The following RALGDS variants were observed in gnomAD, a reference collection of about 807,000 sequenced individuals.
The protein encoded by RALGDS is ral guanine nucleotide exchange factor.
Under a neutral mutation model 99.8 loss-of-function variants are expected in RALGDS, and 44 were observed. The observed-to-expected ratio is 0.44, with a 90% CI of 0.35 to 0.57. The LOEUF (loss-of-function observed/expected upper bound fraction) is 0.57, where lower values mean the gene tolerates loss of function less well. Ranked by LOEUF, RALGDS falls within the 20% of genes least tolerant of loss-of-function variation. RALGDS has a pLI of 0.01. For missense variants in RALGDS, 1,022 were observed against 1,203.1 expected (o/e 0.85, Z 2.23); for synonymous variants, 529 against 505.0 (o/e 1.05, Z -0.64).
chr9:133,124,395 C>T (rs527445243), upstream of RALGDS, among the ~76,000 whole-genome samples: 1 of 152,148 alleles, frequency 6.6e-6, no homozygotes, highest in South Asian at 2.1e-4. Context: ...TAGAGACAGA[C>T]ACAGAGGCTG....
upstream of RALGDS, among the ~76,000 whole-genome samples, chr9:133,134,444 A>G (rs1832393375): frequency 6.6e-6 from 1 of 152,216 alleles, no homozygotes; most frequent in Non-Finnish European, 1.5e-5. Flanking sequence ...TGCCAGAAAG[A>G]TGAGGCCACA....
At position 133,121,063 on chromosome 9, in the gene RALGDS, TC is replaced by T; in HGVS notation, c.91del (p.Asp31ThrfsTer23). On this transcript the variant is annotated frameshift_variant, in exon 1 of 18. Transcript: ENST00000372050. LOFTEE classifies it high-confidence loss of function. ...PGSRRSRSVW[D>X]AVRLEVGVPD... is the part of the protein sequence containing the mutation. ...GACGCCCACCTCCAGGCGCACGGCG[TC>T]CCACACGCTGCGGCTCCGCCGGGAG... 6.7e-7 allele frequency: 1 copy of T among 1,487,160 alleles called. No individual in the cohort carries two copies. The highest frequency in any genetic ancestry group is 8.9e-7 in the Non-Finnish European group (1 of 1,125,070). 92.1% of individuals were successfully genotyped at this position (1,487,160 alleles called of 1,614,324 possible). A position where few individuals can be genotyped will look rare whatever the true frequency, so the allele number is the denominator to read the frequency against.
intron 1 of RALGDS, chr9:133,129,521 G>A: frequency 8.6e-7 from 1 of 1,167,950 alleles, no homozygotes; most frequent in Non-Finnish European, 1.1e-6. Context: ...GACGAGTGGA[G>A]AGGCTGCCCC....
In RALGDS at chr9:133,121,024, G is replaced by T; in HGVS notation, c.131C>A (p.Pro44Gln). Residue 44 changes from proline to glutamine, a missense_variant, in exon 1 of 18, where the codon CCG (proline) becomes CAG (glutamine). By Grantham distance (76) the Pro-to-Gln change is moderately conservative. Around this residue, in one of 3 missense-constraint regions of RALGDS, gnomAD observed 180 missense variants for 169.3 expected, o/e 1.06. Transcript: ENST00000372050. ...RLEVGVPDSC[P>Q]VVLHSFTQLD... ...CTGCGTGAAGCTGTGCAGCACCACCGGGCAGCTGTCGGGGACGCCCACCTC... is the reference window on the plus strand; with the variant it reads ...CTGCGTGAAGCTGTGCAGCACCACCTGGCAGCTGTCGGGGACGCCCACCTC... 2 of 1,496,528 alleles carry T rather than the reference G, an allele frequency of 1.3e-6. No homozygotes were observed. Among genetic ancestry groups the T allele is most frequent in the South Asian group, 1.2e-5 (1 of 80,172 alleles). The allele number at this position is 1,496,528 out of a possible 1,614,324, so 92.7% of individuals were successfully genotyped here.
Position 133,110,322 on chromosome 9 carries a change from T to C in RALGDS, c.462A>G (p.Gln154=), listed in dbSNP as rs1043524625. The change falls in exon 3 of 18, where the codon CAA becomes CAG. Residue 154 remains glutamine, a synonymous_variant. Transcript: ENST00000372050. The stretch of plus-strand genomic sequence containing the variant: ...TTTTGAACAGCAGGTCCAGGACCTG[T>C]TGGGTGGTGGTGAAGGCTCTATAGG... ...LCTYRAFTTT[Q]QVLDLLFKRY... The C allele has an allele frequency of 3.7e-6, 6 of 1,613,418 alleles. No individual in the cohort carries two copies. The highest frequency in any genetic ancestry group is 1.3e-5 in the African/African-American group (1 of 74,854).
At chr9:133,146,116 C>T (rs773720035) in intron 1 of RALGDS, among the ~76,000 whole-genome samples, 1 of 152,170 alleles carries the variant, frequency 6.6e-6, no homozygotes, top group Non-Finnish European at 1.5e-5. Flanking sequence ...CAGATATCGG[C>T]CCCCTGTGGC....
chr9:133,121,309 C>A (rs1302419380), upstream of RALGDS: 8 of 166,250 alleles, frequency 4.8e-5, no homozygotes, highest in African/African-American at 1.5e-4. Flanking sequence ...AGGGTGGGGC[C>A]GGGGAGGGGC....
upstream of RALGDS, among the ~76,000 whole-genome samples, chr9:133,135,955 G>A (rs1039252204): frequency 6.6e-6 from 1 of 152,174 alleles, no homozygotes; most frequent in Non-Finnish European, 1.5e-5. Context: ...CTGCCATAGA[G>A]TTTCTAAACA....
intron 1 of RALGDS, 24 bp downstream of exon 1, chr9:133,120,948 G>A: frequency 2.0e-6 from 3 of 1,472,984 alleles, no homozygotes; most frequent in Non-Finnish European, 2.7e-6. Context: ...CGCACCCCCC[G>A]CCCGACCGCC....
chr9:133,134,644 G>A (rs916280031), upstream of RALGDS, among the ~76,000 whole-genome samples: 2 of 152,150 alleles, frequency 1.3e-5, no homozygotes, highest in Non-Finnish European at 2.9e-5. Context: ...CAGACTTGAC[G>A]CTGCTGGGAC....
upstream of RALGDS, among the ~76,000 whole-genome samples, chr9:133,122,302 T>C (rs35568562): frequency 0.24 from 36,897 of 152,208 alleles, 4,981 homozygotes; most frequent in Middle Eastern, 0.41. Flanking sequence ...CATGCCTCAC[T>C]CATCACTGGG....
At chr9:133,141,294 T>C (rs11244008) in intron 1 of RALGDS, among the ~76,000 whole-genome samples, 97,039 of 152,108 alleles carry the variant, frequency 0.64, 31,404 homozygotes, top group African/African-American at 0.69. Flanking sequence ...CACCTGCCTT[T>C]TCCCACCATT....
At chr9:133,147,250 G>A (rs564719621) in intron 1 of RALGDS, among the ~76,000 whole-genome samples, 212 of 152,276 alleles carry the variant, frequency 1.4e-3, no homozygotes, top group African/African-American at 4.8e-3. Flanking sequence ...TTTGTCTTCT[G>A]GTCACAGCAC....
chr9:133,126,596 C>T (rs1391604399), intron 1 of RALGDS, among the ~76,000 whole-genome samples: 3 of 152,212 alleles, frequency 2.0e-5, no homozygotes, highest in African/African-American at 7.2e-5. Context: ...ACAACTGTCC[C>T]CCACTCCCGC....
chr9:133,106,868 G>C, intron 7 of RALGDS, 120 bp from the exon 8 acceptor site: 1 of 944,110 alleles, frequency 1.1e-6, no homozygotes, highest in Non-Finnish European at 1.7e-6. Context: ...GTCCCCAGAG[G>C]GCACGCCTGC....
At chr9:133,124,444 G>A (rs923999753), upstream of RALGDS, among the ~76,000 whole-genome samples, 14 of 152,088 alleles carry the variant, frequency 9.2e-5, no homozygotes, top group African/African-American at 2.2e-4. Flanking sequence ...AGCTTAGGGA[G>A]GCAGAGGCAG....
rs1357359880 is a variant in RALGDS, at chr9:133,100,343, C to T, written c.2494G>A (p.Ala832Thr). Reference protein sequence around the residue: ...QDKAPAVIRKAMDKHNLEEEE... With the variant: ...QDKAPAVIRKTMDKHNLEEEE... The stretch of plus-strand genomic sequence containing the variant: ...TCCTCCAGGTTGTGTTTGTCCATGG[C>T]CTTGCGGATTACAGCCGGAGCCTTA... Residue 832 changes from alanine to threonine, a missense_variant, in exon 17 of 18, where the codon GCC becomes ACC. Physicochemically the swap from Ala to Thr is moderately conservative, Grantham distance 58 (BLOSUM62 0). Transcript: ENST00000372050. 3 of 1,614,194 alleles carry T rather than the reference C, an allele frequency of 1.9e-6. No individual in the cohort carries two copies. Among genetic ancestry groups the T allele is most frequent in the Non-Finnish European group, 2.5e-6 (3 of 1,180,034 alleles).
chr9:133,122,435 T>A (rs1033587302), upstream of RALGDS, among the ~76,000 whole-genome samples: 1 of 152,198 alleles, frequency 6.6e-6, no homozygotes, highest in Non-Finnish European at 1.5e-5. Context: ...ATCTGTAAAC[T>A]GAGAGGGCGG....
rs1054458993 is a variant in RALGDS at position 133,098,044 on chromosome 9, G to A, written c.*543C>T. 6 of 256,922 alleles carry A rather than the reference G, an allele frequency of 2.3e-5. No individual in the cohort carries two copies. The highest frequency in any genetic ancestry group is 1.1e-4 in the African/African-American group (5 of 45,780). The allele number at this position is 256,922 out of a possible 1,614,324, so 15.9% of individuals were successfully genotyped here. A position where few individuals can be genotyped will look rare whatever the true frequency, so the allele number is the denominator to read the frequency against. On this transcript the variant is annotated 3_prime_UTR_variant, in exon 18 of 18. Transcript: ENST00000372050. ...AAGAGGGTTTCTCTCTCTGCTCCCA[G>A]GGGAGGGCTGGGGTAAGCGGTGGGT...
Sources: allele counts gnomAD v4.1 joint callset (sites outside exome capture counted in the v4.1 genomes callset), GRCh38; gene constraint gnomAD v4.1.1; regional missense constraint gnomAD v4.1.1; transcripts MANE v1.5; gene names NCBI Gene and HGNC (gene_info 2026-07-23, HGNC 2026-07-21).